NDUFA10: variants seen among roughly 807,000 people sequenced by gnomAD.
The protein encoded by NDUFA10 is NADH dehydrogenase [ubiquinone] 1 alpha subcomplex subunit 10, mitochondrial.
A neutral mutation model predicts 47.8 loss-of-function variants in NDUFA10; 40 were observed. That is an observed-to-expected ratio of 0.84 (90% confidence interval 0.65 to 1.09). The LOEUF is 1.09. Ranked by LOEUF, NDUFA10 falls within the 50% of genes least tolerant of loss-of-function variation. NDUFA10 has a pLI of 0.00. For synonymous variants in NDUFA10, 183 were observed against 172.2 expected (o/e 1.06, Z -0.49); for missense variants, 413 against 451.1 (o/e 0.92, Z 0.76).
chr2:239,893,916 C>T (rs1278061359), intron 5 of NDUFA10, among the ~76,000 whole-genome samples: 36 of 145,430 alleles, frequency 2.5e-4, no homozygotes, highest in South Asian at 9.1e-4. Flanking sequence ...ATCCTCAACT[C>T]CATCATCCCA....
rs1553558205 is a variant in NDUFA10, at chr2:239,933,517, T to TTTTTTG, written c.295-38204_295-38203insCAAAAA. Among the ~76,000 whole-genome samples the TTTTTTG allele has an allele frequency of 4.5e-3, 671 of 149,162 alleles. 4 individuals carry two copies. Among genetic ancestry groups the TTTTTTG allele is most frequent in the African/African-American group, 0.015 (623 of 40,418 alleles). On this transcript the variant is annotated intron_variant, in intron 4 of 5. Transcript: ENST00000419408. The stretch of plus-strand genomic sequence containing the variant: ...GAGCCTCCATGGTTTTTTTTTTGTT[T>TTTTTTG]TTTTGTTTTGTTTTGTTTTGACGGA...
chr2:239,980,715 G>A (rs73105374), intron 9 of NDUFA10, among the ~76,000 whole-genome samples: 2,447 of 152,304 alleles, frequency 0.016, 66 homozygotes, highest in African/African-American at 0.056. Flanking sequence ...GCTGAGCTCC[G>A]CAAGAAATCA....
chr2:239,960,946 C>T lies in NDUFA10; in HGVS notation c.*172G>A. Reference sequence around the variant, plus strand: ...CCAGAATGGAAGCTGCTTCCCCCAACTCCATTACCTATACTACAGGATGGA... The same window carrying T: ...CCAGAATGGAAGCTGCTTCCCCCAATTCCATTACCTATACTACAGGATGGA... On this transcript the variant is annotated 3_prime_UTR_variant, in exon 10 of 10. Coordinates refer to ENST00000252711, the MANE Select transcript of NDUFA10 (RefSeq NM_004544.4). 2 of 1,510,914 alleles carry T rather than the reference C, an allele frequency of 1.3e-6. No homozygotes were observed. Among genetic ancestry groups the T allele is most frequent in the Admixed American group, 2.0e-5 (1 of 49,864 alleles). 93.6% of individuals were successfully genotyped at this position (1,510,914 alleles called of 1,614,324 possible).
intron 4 of NDUFA10, among the ~76,000 whole-genome samples, chr2:239,905,306 G>A (rs1469093477): frequency 6.6e-6 from 1 of 152,232 alleles, no homozygotes. Context: ...GAGGACAGAG[G>A]AGGGGCAGTG....
intron 4 of NDUFA10, among the ~76,000 whole-genome samples, chr2:239,922,603 T>C (rs764416793): frequency 7.4e-4 from 113 of 152,342 alleles, no homozygotes; most frequent in East Asian, 1.7e-3. Context: ...GCATTGCCAT[T>C]ACCACTGTCG....
chr2:239,969,810 A>G (rs746075537), intron 9 of NDUFA10: 24 of 470,322 alleles, frequency 5.1e-5, no homozygotes, highest in Middle Eastern at 3.2e-4. Context: ...CCCACAGAAG[A>G]TAAGTGAGCT....
chr2:239,922,398 C>T (rs1694004068), intron 4 of NDUFA10, among the ~76,000 whole-genome samples: 1 of 152,210 alleles, frequency 6.6e-6, no homozygotes, highest in South Asian at 2.1e-4. Flanking sequence ...CAGGCCAAGG[C>T]ATCAGGGACC....
intron 9 of NDUFA10, among the ~76,000 whole-genome samples, chr2:239,979,608 T>C (rs1476197736): frequency 3.3e-5 from 5 of 151,982 alleles, no homozygotes; most frequent in Non-Finnish European, 5.9e-5. Flanking sequence ...AGACAGTGCC[T>C]ACTCTCAGCG....
In NDUFA10 at chr2:239,928,528, G is replaced by T. The variant is rs1449519228; in HGVS notation, c.295-33214C>A. On this transcript the variant is annotated intron_variant, in intron 4 of 5. Coordinates refer to the NDUFA10 transcript ENST00000419408. This position sits in a 1 kb window ranked among gnomAD's most constrained non-coding sequence, Gnocchi z 4.3. ...CGGCCCTGGCCCACCGCGAGCCGCT[G>T]CTGGGTTTAATGCAGTTCCTGTCTC... Among the ~76,000 whole-genome samples the T allele has an allele frequency of 2.0e-5, 3 of 152,300 alleles. No homozygotes were observed. The East Asian group carries it at 5.8e-4, about 29-fold the overall frequency.
intron 8 of NDUFA10, among the ~76,000 whole-genome samples, chr2:239,998,029 C>A (rs1559372411): frequency 1.3e-5 from 2 of 152,186 alleles, no homozygotes; most frequent in East Asian, 3.8e-4. Context: ...TACAAAAATA[C>A]ACACAAGATA....
chr2:240,004,072 G>A (rs1696841348), intron 8 of NDUFA10, among the ~76,000 whole-genome samples: 1 of 152,196 alleles, frequency 6.6e-6, no homozygotes. Context: ...GAGCCCAGCA[G>A]CAGGCAGAAG....
chr2:239,946,109 G>C (rs1009484896), intron 4 of NDUFA10, among the ~76,000 whole-genome samples: 1 of 152,200 alleles, frequency 6.6e-6, no homozygotes, highest in Non-Finnish European at 1.5e-5. Context: ...AGCTGTGTGT[G>C]TTCGGCCCCT....
chr2:240,007,165 T>A (rs1435188520), intron 7 of NDUFA10, 151 bp downstream of exon 7: 1 of 668,850 alleles, frequency 1.5e-6, no homozygotes, highest in Non-Finnish European at 2.7e-6. Flanking sequence ...CAGGGGAGTG[T>A]GATGATGGGT....
downstream of NDUFA10, among the ~76,000 whole-genome samples, chr2:239,955,018 C>T (rs1173958003): frequency 1.3e-5 from 2 of 152,240 alleles, no homozygotes; most frequent in African/African-American, 4.8e-5. Flanking sequence ...TTTCTCTCAA[C>T]AAGACTGATT....
At chr2:240,000,506 T>C (rs777111225) in intron 8 of NDUFA10, among the ~76,000 whole-genome samples, 12 of 152,262 alleles carry the variant, frequency 7.9e-5, no homozygotes, top group Non-Finnish European at 1.3e-4. Context: ...AAGAAAGTTA[T>C]AGTAAGCTAA....
At chr2:240,012,042 A>C (rs889146490) in intron 5 of NDUFA10, 2 of 335,954 alleles carry the variant, frequency 6.0e-6, no homozygotes, top group African/African-American at 2.1e-5. Flanking sequence ...AGCACCAAAA[A>C]TTGGGGGCAG....
chr2:239,953,541 G>A (rs1189650089), downstream of NDUFA10, among the ~76,000 whole-genome samples: 1 of 152,240 alleles, frequency 6.6e-6, no homozygotes, highest in East Asian at 1.9e-4. Flanking sequence ...TCAGAAACAG[G>A]AGGGTTTCTC....
intron 9 of NDUFA10, among the ~76,000 whole-genome samples, chr2:239,966,931 A>G (rs1344427504): frequency 6.8e-6 from 1 of 146,232 alleles, no homozygotes; most frequent in Non-Finnish European, 1.5e-5. Flanking sequence ...GTGTTCACAG[A>G]GCTAGAATTG....
chr2:239,993,985 G>A (rs954760576), intron 8 of NDUFA10, among the ~76,000 whole-genome samples: 7 of 152,112 alleles, frequency 4.6e-5, no homozygotes, highest in African/African-American at 9.6e-5. Context: ...GAGGTGAGAT[G>A]CCCCACACAG....
Sources: allele counts gnomAD v4.1 joint callset (sites outside exome capture counted in the v4.1 genomes callset), GRCh38; gene constraint gnomAD v4.1.1; non-coding constraint Gnocchi (gnomAD v3.1); transcripts MANE v1.5; gene names NCBI Gene and HGNC (gene_info 2026-07-23, HGNC 2026-07-21).